GSE1: variants seen among roughly 807,000 people sequenced by gnomAD.
GSE1 encodes the protein genetic suppressor element 1.
A neutral mutation model predicts 112.6 loss-of-function variants in GSE1; 32 were observed. The ratio of observed to expected loss-of-function variants is 0.28; its 90% CI spans 0.21 to 0.38. GSE1 has a LOEUF of 0.38. GSE1 is among the 10% of genes least tolerant of loss of function. GSE1 has a pLI of 1.00. For synonymous variants in GSE1, 1,115 were observed against 735.6 expected, an observed-to-expected ratio of 1.52 and a Z score of -8.35; for missense variants, 2,348 against 1,699.2, an observed-to-expected ratio of 1.38 and a Z score of -6.71.
intron 2 of GSE1, among the ~76,000 whole-genome samples, chr16:85,426,032 T>TGGAA (rs1314661528): frequency 1.8e-5 from 2 of 108,350 alleles, no homozygotes; most frequent in African/African-American, 6.8e-5. Context: ...GGAAAATGGA[T>TGGAA]GGATGGATGG....
At chr16:85,629,129 C>T (rs1036479404) in intron 1 of GSE1, among the ~76,000 whole-genome samples, 1 of 152,254 alleles carries the variant, frequency 6.6e-6, no homozygotes, top group Non-Finnish European at 1.5e-5. Context: ...GATTAGAAGC[C>T]TCCTGAGGCC....
rs1360423740 is a variant in GSE1, at chr16:85,654,925, C to T, written c.731C>T (p.Ala244Val). The part of the protein sequence containing the change: ...SSLPPLGLDP[A>V]TAAAYYHPSY... The stretch of plus-strand genomic sequence containing the variant: ...CTGCCTCCCCTCGGCCTGGACCCGG[C>T]CACTGCTGCAGCCTACTACCACCCC... The change falls in exon 5 of 16, where the codon GCC becomes GTC. Residue 244 changes from alanine (A) to valine (V), a missense_variant. By Grantham distance (64) the Ala-to-Val change is moderately conservative. Transcript: ENST00000253458. The T allele has an allele frequency of 1.9e-6, 3 of 1,611,298 alleles. No homozygotes were observed. The highest frequency in any genetic ancestry group is 1.7e-5 in the Admixed American group (1 of 59,968).
chr16:85,570,378 G>T (rs929823237), intron 1 of GSE1, among the ~76,000 whole-genome samples: 2 of 152,184 alleles, frequency 1.3e-5, no homozygotes, highest in Non-Finnish European at 2.9e-5. Flanking sequence ...GGGGCTTTGG[G>T]GGTTCCCGCA....
chr16:85,347,732 A>C (rs901330742), intron 1 of GSE1, among the ~76,000 whole-genome samples: 4 of 152,210 alleles, frequency 2.6e-5, no homozygotes, highest in African/African-American at 9.6e-5. Flanking sequence ...GGACAAGCTC[A>C]GGCCTGGCCC....
intron 2 of GSE1, among the ~76,000 whole-genome samples, chr16:85,361,223 G>A (rs1224159287): frequency 1.2e-4 from 11 of 88,952 alleles, no homozygotes; most frequent in African/African-American, 2.3e-4. Flanking sequence ...AGACGCACAC[G>A]GGGCAGAGAC....
intron 13 of GSE1, 89 bp downstream of exon 13, chr16:85,666,436 C>T: frequency 1.3e-5 from 17 of 1,281,684 alleles, no homozygotes; most frequent in Non-Finnish European, 1.9e-5. Flanking sequence ...AGCCGTTCAG[C>T]CGTGGGCACA....
chr16:85,445,397 T>C (rs892836310), intron 2 of GSE1, among the ~76,000 whole-genome samples: 1 of 152,198 alleles, frequency 6.6e-6, no homozygotes, highest in African/African-American at 2.4e-5. Flanking sequence ...AAAGGTGGGC[T>C]GGACCAGCCC....
chr16:85,434,218 A>G (rs563561430), intron 2 of GSE1, among the ~76,000 whole-genome samples: 3 of 152,114 alleles, frequency 2.0e-5, no homozygotes, highest in Admixed American at 2.0e-4. Flanking sequence ...TTTCTGTGAC[A>G]TACTAAGGGT....
intron 1 of GSE1, among the ~76,000 whole-genome samples, chr16:85,343,899 G>T (rs963797853): frequency 3.9e-5 from 6 of 152,202 alleles, no homozygotes; most frequent in African/African-American, 1.4e-4. Flanking sequence ...TGCTTCCCTA[G>T]CTCCTCCCGT....
At chr16:85,208,167 T>C (rs532840506) in intron 1 of GSE1, among the ~76,000 whole-genome samples, 28 of 152,288 alleles carry the variant, frequency 1.8e-4, no homozygotes, top group African/African-American at 6.0e-4. Flanking sequence ...TCATGCTGTT[T>C]CTTCTAGCCT....
intron 14 of GSE1, chr16:85,670,690 A>AT (rs34099838): frequency 0.013 from 2,263 of 168,064 alleles, 5 homozygotes; most frequent in East Asian, 0.051. Flanking sequence ...CTGAAAGCCT[A>AT]TTTTTTTTTT....
At chr16:85,213,895 A>C (rs1177101619) in intron 1 of GSE1, among the ~76,000 whole-genome samples, 1 of 152,246 alleles carries the variant, frequency 6.6e-6, no homozygotes, top group Non-Finnish European at 1.5e-5. Context: ...CAGCTGTGCC[A>C]GGTCAGTCAC....
At position 85,672,363 on chromosome 16, in the gene GSE1, G is replaced by A. The variant is rs1289151139; in HGVS notation, c.3520-42G>A. On this transcript the variant is annotated intron_variant, in intron 15 of 15. Transcript: ENST00000253458. ...TGTACTCTACATGCTTGTCCTTACAGAGGAAACGGGTTGGTTTTGACACAA... is the reference window on the plus strand; with the variant it reads ...TGTACTCTACATGCTTGTCCTTACAAAGGAAACGGGTTGGTTTTGACACAA... The A allele has an allele frequency of 2.0e-6, 3 of 1,529,068 alleles. No homozygotes were observed. In the East Asian group the frequency reaches 6.8e-5, roughly 35 times the overall value. 94.7% of individuals were successfully genotyped at this position (1,529,068 alleles called of 1,614,324 possible).
intron 2 of GSE1, among the ~76,000 whole-genome samples, chr16:85,541,979 C>T (rs905467754): frequency 6.6e-6 from 1 of 152,144 alleles, no homozygotes; most frequent in Non-Finnish European, 1.5e-5. Flanking sequence ...GCATCCTTGC[C>T]CTCGGGGTAG....
chr16:85,204,870 C>T (rs1005171332), intron 1 of GSE1, among the ~76,000 whole-genome samples: 11 of 152,196 alleles, frequency 7.2e-5, no homozygotes, highest in Admixed American at 6.5e-4. Flanking sequence ...TTTACAGGGT[C>T]GTCCGCCTAG....
chr16:85,413,828 G>A (rs2048641396), intron 2 of GSE1, among the ~76,000 whole-genome samples: 1 of 152,176 alleles, frequency 6.6e-6, no homozygotes, highest in Non-Finnish European at 1.5e-5. Flanking sequence ...CACCTGGTGG[G>A]AGGTGACTAG....
At chr16:85,410,906 A>G (rs1221484882) in intron 2 of GSE1, among the ~76,000 whole-genome samples, 1 of 90,988 alleles carries the variant, frequency 1.1e-5, no homozygotes, top group African/African-American at 7.0e-5. Context: ...CCTCGCTGTT[A>G]CACTCAGGGC....
chr16:85,441,635 A>G (rs2049378023), intron 2 of GSE1, among the ~76,000 whole-genome samples: 1 of 152,166 alleles, frequency 6.6e-6, no homozygotes, highest in Non-Finnish European at 1.5e-5. Context: ...TGTCAGAGTG[A>G]GACTCCGTCT....
At chr16:85,461,280 G>A (rs1209820456) in intron 2 of GSE1, among the ~76,000 whole-genome samples, 1 of 152,244 alleles carries the variant, frequency 6.6e-6, no homozygotes, top group African/African-American at 2.4e-5. Context: ...CCAGGTGCCA[G>A]CAGCGCTGTG....
Sources: gnomAD v4.1 joint callset for allele counts (sites outside exome capture counted in the v4.1 genomes callset) on GRCh38, gnomAD v4.1.1 for gene constraint, MANE v1.5 for transcripts, NCBI Gene and HGNC (gene_info 2026-07-23, HGNC 2026-07-21) for gene names.